The following ALDH3B1 variants were observed in gnomAD, a reference collection of about 807,000 sequenced individuals.
ALDH3B1 encodes aldehyde dehydrogenase family 3 member B1.
ALDH3B1 carries 37 observed loss-of-function variants against 46.2 expected under a neutral mutation model. That is an observed-to-expected ratio of 0.80 (90% CI 0.62 to 1.05). The LOEUF is 1.05. Ranked by LOEUF, ALDH3B1 falls within the 50% of genes least tolerant of loss-of-function variation. The pLI is 0.00. For synonymous variants in ALDH3B1, 283 were observed against 281.0 expected, an observed-to-expected ratio of 1.01 and a Z score of -0.07; for missense variants, 603 against 665.5, an observed-to-expected ratio of 0.91 and a Z score of 1.03.
In ALDH3B1 at chr11:68,019,805, G is replaced by T. The variant is rs760714030; in HGVS notation, c.562+9G>T. Reference sequence around the variant, plus strand: ...CTACATCTTCTTCACAGGTGAGGCCGGGACGAGGGTCGGGACAGGCTGGGG... The same window carrying T: ...CTACATCTTCTTCACAGGTGAGGCCTGGACGAGGGTCGGGACAGGCTGGGG... On this transcript the variant is annotated intron_variant, in intron 6 of 9. Coordinates refer to ENST00000342456, the MANE Select transcript of ALDH3B1 (RefSeq NM_000694.4). 6.2e-7 allele frequency: 1 copy of T among 1,613,690 alleles called. No homozygotes were observed. The highest frequency in any genetic ancestry group is 1.7e-5 in the Admixed American group (1 of 59,998).
chr11:68,023,076 C>T (rs979218899), intron 8 of ALDH3B1, among the ~76,000 whole-genome samples: 1 of 152,164 alleles, frequency 6.6e-6, no homozygotes. Flanking sequence ...GCCACATGAC[C>T]CCTCAAGCCT....
At chr11:68,019,817 G>C in intron 6 of ALDH3B1, 21 bp downstream of exon 6, 1 of 1,612,644 alleles carries the variant, frequency 6.2e-7, no homozygotes, top group Non-Finnish European at 8.5e-7. Context: ...GACGAGGGTC[G>C]GGACAGGCTG....
intron 1 of ALDH3B1, among the ~76,000 whole-genome samples, chr11:68,010,828 G>C (rs1412719401): frequency 6.6e-6 from 1 of 152,226 alleles, no homozygotes; most frequent in South Asian, 2.1e-4. Context: ...CTGATGCAGG[G>C]ATGTGGCCAT....
At chr11:68,022,532 ACCCCCACCCTG>A in intron 7 of ALDH3B1, 52 bp from the exon 8 acceptor site, 1 of 1,442,620 alleles carries the variant, frequency 6.9e-7, no homozygotes, top group Non-Finnish European at 9.1e-7. Flanking sequence ...CCCCACCTCT[ACCCCCACCCTG>A]GGGGCGGTCC....
chr11:68,022,247 G>A (rs758898437), intron 7 of ALDH3B1, among the ~76,000 whole-genome samples: 4 of 152,174 alleles, frequency 2.6e-5, no homozygotes, highest in Admixed American at 6.5e-5. Flanking sequence ...CTCCTGGGCC[G>A]TACGGCTCAG....
chr11:68,015,639 GC>G, intron 2 of ALDH3B1, 180 bp downstream of exon 2: 1 of 824,266 alleles, frequency 1.2e-6, no homozygotes, highest in South Asian at 1.5e-5. Context: ...TATTCATGCA[GC>G]AACTATTTGC....
intron 4 of ALDH3B1, 138 bp from the exon 5 acceptor site, chr11:68,019,032 G>GC: frequency 2.7e-6 from 4 of 1,456,666 alleles, no homozygotes; most frequent in Non-Finnish European, 3.7e-6. Flanking sequence ...GGGCTGTGTG[G>GC]CCCTGGGCCC....
At position 68,028,653 on chromosome 11, in the gene ALDH3B1, G is replaced by A. The variant is rs1359335488; in HGVS notation, c.*714G>A. 2 of 149,562 alleles carry A rather than the reference G, an allele frequency of 1.3e-5. No individual in the cohort carries two copies. Among genetic ancestry groups the A allele is most frequent in the Non-Finnish European group, 2.9e-5 (2 of 67,876 alleles). 9.3% of individuals were successfully genotyped at this position (149,562 alleles called of 1,614,324 possible). A position where few individuals can be genotyped will look rare whatever the true frequency, so the allele number is the denominator to read the frequency against. ...GATTGCGTCACTGAACTCCGGCCTGGGTGACAGAAGGAGGCTCTGCCTTAA... is the reference window on the plus strand; with the variant it reads ...GATTGCGTCACTGAACTCCGGCCTGAGTGACAGAAGGAGGCTCTGCCTTAA... On this transcript the variant is annotated 3_prime_UTR_variant, in exon 10 of 10. Transcript: ENST00000342456.
At chr11:68,018,451 C>T (rs1857401976) in intron 2 of ALDH3B1, 76 bp from the exon 3 acceptor site, 1 of 1,120,584 alleles carries the variant, frequency 8.9e-7, no homozygotes, top group Middle Eastern at 2.6e-4. Context: ...GGAAGCAGGC[C>T]CTGCCTGGAG....
chr11:68,021,840 G>C lies in ALDH3B1; in HGVS notation c.918G>C (p.Gly306=). The C allele has an allele frequency of 6.2e-7, 1 of 1,612,834 alleles. No individual in the cohort carries two copies. Among genetic ancestry groups the C allele is most frequent in the Non-Finnish European group, 8.5e-7 (1 of 1,179,258 alleles). Reference sequence around the variant, plus strand: ...TGGGCTGCGGCCGTGTGGCCATTGGGGGCCAGAGCGATGAGAGCGATCGCT... The same window carrying C: ...TGGGCTGCGGCCGTGTGGCCATTGGCGGCCAGAGCGATGAGAGCGATCGCT... ...ALLGCGRVAI[G]GQSDESDRYI... Residue 306 remains glycine, a synonymous_variant, in exon 7 of 10, where the codon GGG becomes GGC. Transcript: ENST00000342456.
chr11:68,011,599 C>T (rs917520913), intron 1 of ALDH3B1, among the ~76,000 whole-genome samples: 26 of 152,224 alleles, frequency 1.7e-4, no homozygotes, highest in African/African-American at 5.5e-4. Flanking sequence ...GGAGACCCTG[C>T]GGTATTGGGC....
chr11:68,024,923 T>G (rs1052190861), intron 8 of ALDH3B1: 37 of 152,194 alleles, frequency 2.4e-4, no homozygotes, highest in Admixed American at 1.9e-3. Flanking sequence ...CCCAGCCTCT[T>G]GGGTTGTGAC....
intron 9 of ALDH3B1, among the ~76,000 whole-genome samples, chr11:68,026,803 A>G (rs1226773914): frequency 1.3e-5 from 2 of 152,198 alleles, no homozygotes; most frequent in African/African-American, 4.8e-5. Flanking sequence ...GGGCCAGGCA[A>G]GCTGCCTCAG....
intron 1 of ALDH3B1, among the ~76,000 whole-genome samples, chr11:68,011,158 T>C (rs1206586432): frequency 1.3e-5 from 2 of 152,208 alleles, no homozygotes; most frequent in Non-Finnish European, 1.5e-5. Context: ...CTTCTATTCA[T>C]GATTCGTGAA....
At chr11:68,022,817 G>A (rs970430532) in intron 8 of ALDH3B1, 56 bp downstream of exon 8, 2 of 1,602,102 alleles carry the variant, frequency 1.2e-6, no homozygotes, top group African/African-American at 2.7e-5. Context: ...CAGCACAAGT[G>A]GTGGCAGCAG....
chr11:68,019,039 G>GC, intron 4 of ALDH3B1, 131 bp from the exon 5 acceptor site: 1 of 1,451,972 alleles, frequency 6.9e-7, no homozygotes, highest in Non-Finnish European at 9.2e-7. Context: ...GTGGCCCTGG[G>GC]CCCGTCATGT....
At chr11:68,008,944 C>G (rs571719186), upstream of ALDH3B1, among the ~76,000 whole-genome samples, 53 of 151,984 alleles carry the variant, frequency 3.5e-4, no homozygotes, top group South Asian at 9.1e-3. Flanking sequence ...GTATCCGGGG[C>G]GGGCTGGGGG....
At chr11:68,026,253 C>T in intron 9 of ALDH3B1, 145 bp downstream of exon 9, 1 of 652,068 alleles carries the variant, frequency 1.5e-6, no homozygotes, top group Non-Finnish European at 2.5e-6. Flanking sequence ...CCGCATCCTG[C>T]TCCCCACCCC....
intron 2 of ALDH3B1, chr11:68,015,772 A>C: frequency 2.1e-6 from 1 of 479,518 alleles, no homozygotes; most frequent in Non-Finnish European, 4.0e-6. Context: ...CAAATAAATA[A>C]TTGCACAGCA....
Sources: gnomAD v4.1 joint callset for allele counts (sites outside exome capture counted in the v4.1 genomes callset) on GRCh38, gnomAD v4.1.1 for gene constraint, MANE v1.5 for transcripts, NCBI Gene and HGNC (gene_info 2026-07-23, HGNC 2026-07-21) for gene names.